Variants in ARHGAP21 observed in about 807,000 individuals in gnomAD.
ARHGAP21 encodes rho GTPase-activating protein 21.
A neutral mutation model predicts 164.6 loss-of-function variants in ARHGAP21; 38 were observed. The ratio of observed to expected loss-of-function variants is 0.23; its 90% confidence interval spans 0.18 to 0.30. The LOEUF (loss-of-function observed/expected upper bound fraction) is 0.30. Ranked by LOEUF, ARHGAP21 falls within the 10% of genes least tolerant of loss-of-function variation. The pLI, the probability that ARHGAP21 is intolerant of heterozygous loss-of-function variation, is 1.00. For synonymous variants in ARHGAP21, 766 were observed against 857.9 expected (o/e 0.89, Z 1.87); for missense variants, 1,822 against 2,370.7 (o/e 0.77, Z 4.81).
In ARHGAP21 at chr10:24,620,610, C is replaced by T. The variant is rs775457898; in HGVS notation, c.1285G>A (p.Val429Ile). Residue 429 changes from valine (V) to isoleucine (I), a missense_variant, in exon 9 of 26, where the codon GTC becomes ATC. This residue lies in a region of ARHGAP21 where 1,090 missense variants were observed against 1,378.9 expected (regional missense o/e 0.79). Coordinates refer to ENST00000396432, the MANE Select transcript of ARHGAP21 (RefSeq NM_020824.4). ...CCCTGCAAAGTAGTGCGGTTGGGGA[C>T]GACCTGGTTATAATCTGTCGTGCTT... is the stretch of plus-strand genomic sequence containing the variant. Reference protein sequence around the residue: ...SQSTTDYNQVVPNRTTLQGRR... With the variant: ...SQSTTDYNQVIPNRTTLQGRR... The T allele has an allele frequency of 5.6e-6, 9 of 1,614,204 alleles. No individual in the cohort carries two copies. The highest frequency in any genetic ancestry group is 1.3e-5 in the African/African-American group (1 of 75,034).
rs151245439 is a variant in ARHGAP21, at chr10:24,633,372, C to A, written c.440+30G>T. 2.4e-4 allele frequency: 347 copies of A among 1,457,740 alleles called. 4 individuals are homozygous for A. In the East Asian group the frequency reaches 7.8e-3, roughly 33 times the overall value. The allele number at this position is 1,457,740 out of a possible 1,614,324, so 90.3% of individuals were successfully genotyped here. ...TGCTCTATTGATCTATAAAACCCATCTTTGGGTTTTAATGTTTTAAGACTC... is the reference window on the plus strand; with the variant it reads ...TGCTCTATTGATCTATAAAACCCATATTTGGGTTTTAATGTTTTAAGACTC... On this transcript the variant is annotated intron_variant, in intron 6 of 25. Transcript: ENST00000396432.
At chr10:24,601,142 G>A (rs2076797720) in intron 13 of ARHGAP21, among the ~76,000 whole-genome samples, 1 of 152,174 alleles carries the variant, frequency 6.6e-6, no homozygotes, top group South Asian at 2.1e-4. Flanking sequence ...CAAAGTCAAG[G>A]ACTGTGAAAT....
intron 4 of ARHGAP21, among the ~76,000 whole-genome samples, chr10:24,659,134 C>T (rs1839409594): frequency 6.6e-6 from 1 of 152,150 alleles, no homozygotes; most frequent in South Asian, 2.1e-4. Context: ...TTGGCAGTTC[C>T]TCAAAATATG....
chr10:24,711,174 G>C (rs149318371), intron 2 of ARHGAP21, among the ~76,000 whole-genome samples: 2 of 149,924 alleles, frequency 1.3e-5, no homozygotes, highest in Non-Finnish European at 3.0e-5. Flanking sequence ...GAGAAAGAAA[G>C]AGAGAAAGAG....
At chr10:24,672,884 C>CA (rs539936931) in intron 2 of ARHGAP21, among the ~76,000 whole-genome samples, 183 of 147,612 alleles carry the variant, frequency 1.2e-3, no homozygotes, top group South Asian at 4.5e-3. Context: ...AAAACAAAAA[C>CA]AAAAAAAAAC....
rs55947040 is a variant in ARHGAP21 at position 24,704,465 on chromosome 10, A to ATT, written c.63+17370_63+17371dup. ...ACCACCATGCCTGACTTATTTTTCT[A>ATT]TTTTTTTTTTTCTTTTTTGAGACAG... On this transcript the variant is annotated intron_variant, in intron 2 of 25. Transcript: ENST00000396432. Among the ~76,000 whole-genome samples, 874 of 142,686 alleles carry ATT rather than the reference A, an allele frequency of 6.1e-3. 10 individuals are homozygous for ATT. The highest frequency in any genetic ancestry group is 0.039 in the South Asian group (171 of 4,404). The allele number at this position is 142,686 out of a possible 152,430, so 93.6% of individuals were successfully genotyped here. A position where few individuals can be genotyped will look rare whatever the true frequency, so the allele number is the denominator to read the frequency against.
At chr10:24,589,142 ATTT>A (rs1382285919) in intron 25 of ARHGAP21, 126 bp downstream of exon 25, 1 of 833,042 alleles carries the variant, frequency 1.2e-6, no homozygotes, top group Non-Finnish European at 2.0e-6. Flanking sequence ...TTAGGAATTA[ATTT>A]TTTGATTATA....
intron 2 of ARHGAP21, among the ~76,000 whole-genome samples, chr10:24,676,791 C>G (rs1481214478): frequency 6.6e-6 from 1 of 152,174 alleles, no homozygotes; most frequent in Non-Finnish European, 1.5e-5. Flanking sequence ...AATTATTTAA[C>G]GTCTCTAAGC....
At chr10:24,610,372 CAAA>C (rs66658477) in intron 9 of ARHGAP21, among the ~76,000 whole-genome samples, 13 of 109,528 alleles carry the variant, frequency 1.2e-4, no homozygotes, top group Admixed American at 1.9e-4. Context: ...GACTCTGTCA[CAAA>C]AAAAAAAAAA....
chr10:24,676,281 C>CT (rs1841233532), intron 2 of ARHGAP21, among the ~76,000 whole-genome samples: 1 of 152,162 alleles, frequency 6.6e-6, no homozygotes, highest in Admixed American at 6.5e-5. Context: ...GAGTCTATCT[C>CT]TTTTTTGCCA....
At chr10:24,598,476 G>C (rs1027229104) in intron 14 of ARHGAP21, among the ~76,000 whole-genome samples, 1 of 152,222 alleles carries the variant, frequency 6.6e-6, no homozygotes, top group Admixed American at 6.5e-5. Context: ...TTTAAGGATA[G>C]TGAAACCAAG....
chr10:24,615,410 AG>A (rs1425421887), intron 9 of ARHGAP21, among the ~76,000 whole-genome samples: 9 of 152,312 alleles, frequency 5.9e-5, no homozygotes, highest in African/African-American at 2.2e-4. Flanking sequence ...GAGGAGGAGA[AG>A]TCTTAGAGAT....
rs1834488749 is a variant in ARHGAP21 at position 24,621,016 on chromosome 10, A to C, written c.879T>G (p.Gly293=). 6 of 1,614,000 alleles carry C rather than the reference A, an allele frequency of 3.7e-6. No individual in the cohort carries two copies. The highest frequency in any genetic ancestry group is 5.1e-6 in the Non-Finnish European group (6 of 1,179,866). The change falls in exon 9 of 26, where the codon GGT becomes GGG. Residue 293 remains glycine, a synonymous_variant. Coordinates refer to ENST00000396432, the MANE Select transcript of ARHGAP21 (RefSeq NM_020824.4). Reference sequence around the variant, plus strand: ...TCACTTCTTCAGTTCTATGTGAAGGACCTGTATGGTTGTTTCTATTGGATA... The same window carrying C: ...TCACTTCTTCAGTTCTATGTGAAGGCCCTGTATGGTTGTTTCTATTGGATA... ...DLLSNRNNHT[G]PSHRTEEVRY... is the part of the protein sequence containing the mutation.
At chr10:24,704,385 C>T (rs571369253) in intron 2 of ARHGAP21, among the ~76,000 whole-genome samples, 6 of 150,510 alleles carry the variant, frequency 4.0e-5, no homozygotes, top group East Asian at 2.0e-4. Context: ...CCACATCCCA[C>T]GCTCAGGTGA....
chr10:24,658,158 TA>T (rs1437595077), intron 4 of ARHGAP21, among the ~76,000 whole-genome samples: 2 of 152,028 alleles, frequency 1.3e-5, no homozygotes, highest in African/African-American at 2.4e-5. Flanking sequence ...TGGCGATCTT[TA>T]AAAAGTCAGG....
intron 2 of ARHGAP21, among the ~76,000 whole-genome samples, chr10:24,692,162 T>C (rs1467407422): frequency 1.3e-5 from 2 of 152,118 alleles, no homozygotes; most frequent in African/African-American, 4.8e-5. Context: ...AGGAATGGTG[T>C]TGGGAGGGAA....
At chr10:24,665,251 T>G (rs901498979) in intron 4 of ARHGAP21, among the ~76,000 whole-genome samples, 1 of 151,796 alleles carries the variant, frequency 6.6e-6, no homozygotes, top group Admixed American at 6.6e-5. Context: ...CTTGTACCAG[T>G]GACAACTATG....
intron 1 of ARHGAP21, 127 bp downstream of exon 1, chr10:24,723,434 GC>G (rs1382849416): frequency 6.8e-6 from 1 of 146,526 alleles, no homozygotes; most frequent in Non-Finnish European, 1.5e-5. Context: ...GCTCCCTCCG[GC>G]CCCGAGCCAG....
At position 24,622,342 on chromosome 10, in the gene ARHGAP21, C is replaced by T. The variant is rs1834624244; in HGVS notation, c.525+391G>A. On this transcript the variant is annotated intron_variant, in intron 8 of 25. Transcript: ENST00000396432. ...CTCAAGACTATCATCACATCCTGCT[C>T]TTTGCATTCGACAGCTTGCAAAGCT... Among the ~76,000 whole-genome samples, 3 of 151,004 alleles carry T rather than the reference C, an allele frequency of 2.0e-5. No individual in the cohort carries two copies. In the South Asian group the frequency reaches 6.3e-4, roughly 31 times the overall value.
Sources: gnomAD v4.1 joint callset for allele counts (sites outside exome capture counted in the v4.1 genomes callset) on GRCh38, gnomAD v4.1.1 for gene constraint, gnomAD v4.1.1 regional missense constraint, MANE v1.5 for transcripts, NCBI Gene and HGNC (gene_info 2026-07-23, HGNC 2026-07-21) for gene names.